Variants in ARMH3 observed in about 807,000 individuals in gnomAD.
ARMH3 encodes the protein armadillo-like helical domain-containing protein 3.
ARMH3 carries 60 observed loss-of-function variants against 99.1 expected under a neutral mutation model. The observed-to-expected ratio is 0.61, with a 90% CI of 0.49 to 0.75. The LOEUF (loss-of-function observed/expected upper bound fraction) is 0.75, where lower values mean the gene tolerates loss of function less well. ARMH3 is among the 30% of genes least tolerant of loss of function. The pLI, the probability that ARMH3 is intolerant of heterozygous loss-of-function variation, is 0.00. For synonymous variants in ARMH3, 285 were observed against 292.8 expected (o/e 0.97, Z 0.27); for missense variants, 679 against 843.1 (o/e 0.81, Z 2.41).
intron 23 of ARMH3, among the ~76,000 whole-genome samples, chr10:101,908,429 T>G (rs1352457940): frequency 3.3e-5 from 5 of 152,214 alleles, no homozygotes; most frequent in African/African-American, 1.2e-4. Context: ...TGGGGCTACT[T>G]TGTTGCTGTG....
At chr10:101,912,230 T>C (rs1041861756) in intron 23 of ARMH3, among the ~76,000 whole-genome samples, 1 of 151,768 alleles carries the variant, frequency 6.6e-6, no homozygotes, top group African/African-American at 2.4e-5. Flanking sequence ...CCGTCTCTAC[T>C]AAAAATACAA....
At position 101,975,233 on chromosome 10, in the gene ARMH3, T is replaced by C. The variant is rs765655961; in HGVS notation, c.1474A>G (p.Thr492Ala). 6.2e-7 allele frequency: 1 copy of C among 1,611,914 alleles called. No individual in the cohort carries two copies. Reference sequence around the variant, plus strand: ...TTACCTGACCAGAGCTCCCGCCAGGTGTAATGCAGGCGTACCCGACACTTC... The same window carrying C: ...TTACCTGACCAGAGCTCCCGCCAGGCGTAATGCAGGCGTACCCGACACTTC... ...QKKCRVRLHYTWRELWSALIN... is the reference protein window; with the variant it reads ...QKKCRVRLHYAWRELWSALIN... Residue 492 changes from threonine to alanine, a missense_variant, in exon 20 of 26, where the codon ACC becomes GCC. Thr to Ala is a moderately conservative substitution (Grantham distance 58, BLOSUM62 0). This residue lies in a region of ARMH3 where 389 missense variants were observed against 456.5 expected (regional missense o/e 0.85). Transcript: ENST00000370033.
chr10:102,005,580 G>A (rs529898265), intron 14 of ARMH3, among the ~76,000 whole-genome samples: 8 of 152,198 alleles, frequency 5.3e-5, no homozygotes, highest in African/African-American at 1.2e-4. Context: ...GTCATTTCAC[G>A]TACAAACAGT....
intron 22 of ARMH3, among the ~76,000 whole-genome samples, chr10:101,940,487 A>C (rs1564773924): frequency 6.6e-6 from 1 of 151,964 alleles, no homozygotes; most frequent in Non-Finnish European, 1.5e-5. Context: ...GTTCTAGGGT[A>C]CATGTGCACA....
At chr10:102,041,090 A>ATATATAAT (rs1554897209) in intron 1 of ARMH3, among the ~76,000 whole-genome samples, 3 of 132,642 alleles carry the variant, frequency 2.3e-5, no homozygotes, top group South Asian at 4.8e-4. Flanking sequence ...ATATATATAT[A>ATATATAAT]ATATATATAT....
chr10:101,850,137 G>A (rs1264727671), intron 24 of ARMH3, among the ~76,000 whole-genome samples: 4 of 126,190 alleles, frequency 3.2e-5, no homozygotes, highest in African/African-American at 9.6e-5. Context: ...TTGCTCTGTC[G>A]CTCAGGCTGG....
At position 101,979,800 on chromosome 10, in the gene ARMH3, G is replaced by A. The variant is rs568440949; in HGVS notation, c.1407-4500C>T. ...CCACTTTAATAGCCTATGTTAGGTG[G>A]ATAAATTGATACTCTTCATTTGAGA... On this transcript the variant is annotated intron_variant, in intron 19 of 25. Transcript: ENST00000370033. Among the ~76,000 whole-genome samples the A allele has an allele frequency of 2.0e-5, 3 of 152,184 alleles. No individual in the cohort carries two copies. In the South Asian group the frequency reaches 6.2e-4, roughly 32 times the overall value.
At chr10:102,040,792 G>A (rs900575003) in intron 1 of ARMH3, among the ~76,000 whole-genome samples, 2 of 152,162 alleles carry the variant, frequency 1.3e-5, no homozygotes, top group African/African-American at 4.8e-5. Context: ...CCCACAGACT[G>A]ATGGTGAAGT....
At chr10:101,855,711 A>G (rs906327937) in intron 24 of ARMH3, among the ~76,000 whole-genome samples, 2 of 146,822 alleles carry the variant, frequency 1.4e-5, no homozygotes, top group Non-Finnish European at 3.0e-5. Context: ...ATATATATAT[A>G]TTTTATATAT....
chr10:101,998,734 C>T (rs79677522), intron 15 of ARMH3, among the ~76,000 whole-genome samples: 333 of 152,290 alleles, frequency 2.2e-3, no homozygotes, highest in African/African-American at 7.8e-3. Flanking sequence ...CCTTTCAGCT[C>T]CATTCTTAGA....
intron 22 of ARMH3, among the ~76,000 whole-genome samples, chr10:101,944,269 TATATAGAGAGAGAG>T (rs1444136686): frequency 4.4e-5 from 2 of 44,950 alleles, no homozygotes; most frequent in African/African-American, 2.3e-4. Flanking sequence ...TATATATATA[TATATAGAGAGAGAG>T]AGAGAGAGAG....
intron 22 of ARMH3, among the ~76,000 whole-genome samples, chr10:101,947,879 G>C (rs551398180): frequency 6.6e-6 from 1 of 151,830 alleles, no homozygotes; most frequent in East Asian, 1.9e-4. Context: ...TATTGAAGTG[G>C]TACAATCCTG....
chr10:101,957,535 T>C (rs1845094582), intron 21 of ARMH3, 115 bp downstream of exon 21: 10 of 1,152,276 alleles, frequency 8.7e-6, no homozygotes, highest in South Asian at 1.7e-5. Context: ...AAAATATATA[T>C]AGGTCTGGTT....
intron 8 of ARMH3, among the ~76,000 whole-genome samples, chr10:102,021,827 T>C (rs1188095392): frequency 6.6e-6 from 1 of 152,162 alleles, no homozygotes; most frequent in East Asian, 1.9e-4. Flanking sequence ...ATTACAGGCA[T>C]AAGCCATCGC....
intron 17 of ARMH3, 97 bp from the exon 18 acceptor site, chr10:101,992,135 T>C (rs1216815442): frequency 1.0e-6 from 1 of 982,364 alleles, no homozygotes; most frequent in Non-Finnish European, 1.6e-6. Context: ...AAATCACTAT[T>C]ACAGGGATAC....
chr10:102,006,724 G>A (rs979428018), intron 13 of ARMH3, 91 bp from the exon 14 acceptor site: 1 of 1,241,434 alleles, frequency 8.1e-7, no homozygotes, highest in South Asian at 1.3e-5. Context: ...TGGTATTCTG[G>A]ACCTTATAAT....
chr10:102,048,329 T>C (rs1401234872), intron 1 of ARMH3, among the ~76,000 whole-genome samples: 1 of 152,254 alleles, frequency 6.6e-6, no homozygotes, highest in Non-Finnish European at 1.5e-5. Context: ...GAAAATCTTA[T>C]GTAGCTATCT....
rs758950312 is a variant in ARMH3 at position 101,975,240 on chromosome 10, C to T, written c.1467G>A (p.Leu489=). 1.1e-5 allele frequency: 18 copies of T among 1,612,196 alleles called. No individual in the cohort carries two copies. The South Asian group carries it at 1.9e-4, about 17-fold the overall frequency. Residue 489 remains leucine, a synonymous_variant, in exon 20 of 26, where the codon CTG becomes CTA. Coordinates refer to ENST00000370033, the MANE Select transcript of ARMH3 (RefSeq NM_024541.3). ...LCYQKKCRVR[L]HYTWRELWSA... ...ACCAGAGCTCCCGCCAGGTGTAATG[C>T]AGGCGTACCCGACACTTCTTCTGGT...
At chr10:101,906,205 G>A (rs1044589134) in intron 23 of ARMH3, among the ~76,000 whole-genome samples, 1 of 152,016 alleles carries the variant, frequency 6.6e-6, no homozygotes, top group Non-Finnish European at 1.5e-5. Context: ...ATTTATTTTG[G>A]ATTAATACTG....
Sources: allele counts gnomAD v4.1 joint callset (sites outside exome capture counted in the v4.1 genomes callset), GRCh38; gene constraint gnomAD v4.1.1; regional missense constraint gnomAD v4.1.1; transcripts MANE v1.5; gene names NCBI Gene and HGNC (gene_info 2026-07-23, HGNC 2026-07-21).